The following ASIP variants were observed in gnomAD, a reference collection of about 807,000 sequenced individuals.
ASIP encodes the protein agouti-signaling protein.
ASIP carries 11 observed loss-of-function variants against 10.3 expected under a neutral mutation model. That is an observed-to-expected ratio of 1.07 (90% confidence interval 0.68 to 1.78). The LOEUF (loss-of-function observed/expected upper bound fraction) is 1.78. Ranked by LOEUF, ASIP falls within the 40% of genes most tolerant of loss-of-function variation. The pLI, the probability that ASIP is intolerant of heterozygous loss-of-function variation, is 0.00. For synonymous variants in ASIP, 70 were observed against 70.8 expected (o/e 0.99, Z 0.06); for missense variants, 180 against 169.2 (o/e 1.06, Z -0.35).
upstream of ASIP, among the ~76,000 whole-genome samples, chr20:34,192,270 A>C (rs1179577936): frequency 6.6e-6 from 1 of 152,030 alleles, no homozygotes; most frequent in Non-Finnish European, 1.5e-5. Context: ...ACCTTAGGTG[A>C]TCCACCCACC....
At chr20:34,246,173 T>C in intron 1 of ASIP, 1 of 1,110,984 alleles carries the variant, frequency 9.0e-7, no homozygotes, top group Non-Finnish European at 1.3e-6. Flanking sequence ...ATGTTTCTTC[T>C]TTGCTCTAGG....
chr20:34,253,115 T>A (rs947987674), intron 1 of ASIP, among the ~76,000 whole-genome samples: 8 of 152,092 alleles, frequency 5.3e-5, no homozygotes, highest in African/African-American at 1.2e-4. Context: ...CTTTTTTTTT[T>A]ATTTTTTTTT....
chr20:34,244,477 G>A (rs2035337070), intron 1 of ASIP, among the ~76,000 whole-genome samples: 2 of 152,208 alleles, frequency 1.3e-5, no homozygotes, highest in Admixed American at 6.5e-5. Flanking sequence ...TGAGGTGCCC[G>A]CCTTTGACAT....
chr20:34,188,367 C>T, the ASIP span, among the ~76,000 whole-genome samples: 1 of 152,160 alleles, frequency 6.6e-6, no homozygotes, highest in Non-Finnish European at 1.5e-5. Flanking sequence ...CAGAAGATGA[C>T]TTTAGGCGGT....
chr20:34,190,575 A>C (rs1050090208), upstream of ASIP, among the ~76,000 whole-genome samples: 34 of 152,160 alleles, frequency 2.2e-4, no homozygotes, highest in African/African-American at 7.5e-4. Context: ...CTAGATATCT[A>C]TATTTCAGTG....
intron 1 of ASIP, among the ~76,000 whole-genome samples, chr20:34,227,286 A>C (rs2035099561): frequency 6.6e-6 from 1 of 152,172 alleles, no homozygotes; most frequent in Admixed American, 6.5e-5. Flanking sequence ...TGCAAGACTC[A>C]TATACTGAAA....
At chr20:34,232,949 C>T (rs1457678094) in intron 1 of ASIP, among the ~76,000 whole-genome samples, 1 of 152,176 alleles carries the variant, frequency 6.6e-6, no homozygotes, top group Non-Finnish European at 1.5e-5. Context: ...AGAACATTAA[C>T]TGTTCCCTAC....
intron 3 of ASIP, among the ~76,000 whole-genome samples, chr20:34,263,604 C>G (rs1325473292): frequency 6.8e-6 from 1 of 146,654 alleles, no homozygotes; most frequent in African/African-American, 2.7e-5. Flanking sequence ...ATGCAGTTGA[C>G]TCTTGAACAC....
intron 1 of ASIP, among the ~76,000 whole-genome samples, chr20:34,227,112 G>A (rs894181275): frequency 6.6e-6 from 1 of 151,966 alleles, no homozygotes. Flanking sequence ...TCCTTAAAAA[G>A]TCTGCTAGAA....
intron 1 of ASIP, among the ~76,000 whole-genome samples, chr20:34,221,577 G>T (rs138550982): frequency 6.6e-6 from 1 of 152,110 alleles, no homozygotes; most frequent in Non-Finnish European, 1.5e-5. Context: ...TAGAAGTAAA[G>T]TCTAATAAGC....
chr20:34,261,240 G>A (rs2035683922), intron 2 of ASIP, among the ~76,000 whole-genome samples: 1 of 152,124 alleles, frequency 6.6e-6, no homozygotes, highest in Non-Finnish European at 1.5e-5. Context: ...GCTCACACCT[G>A]TAATCCCAGC....
intron 1 of ASIP, among the ~76,000 whole-genome samples, chr20:34,195,932 G>A (rs917739630): frequency 1.3e-5 from 2 of 152,054 alleles, no homozygotes; most frequent in Non-Finnish European, 2.9e-5. Context: ...AAGGCAGTCT[G>A]GGAAAGGGCC....
At chr20:34,190,677 CT>C (rs2034819419), upstream of ASIP, among the ~76,000 whole-genome samples, 1 of 152,200 alleles carries the variant, frequency 6.6e-6, no homozygotes, top group African/African-American at 2.4e-5. Context: ...ATCAAGGTTT[CT>C]GATGAGTCTC....
chr20:34,193,062 AT>A (rs1448753385), upstream of ASIP, among the ~76,000 whole-genome samples: 1 of 152,160 alleles, frequency 6.6e-6, no homozygotes, highest in Non-Finnish European at 1.5e-5. Context: ...ATCTAACTGT[AT>A]TTTTGTACCC....
Position 34,225,321 on chromosome 20 carries a change from G to A in ASIP, c.-11+30561G>A, listed in dbSNP as rs565866655. 2.6e-5 allele frequency among the ~76,000 whole-genome samples: 4 copies of A among 151,668 alleles called. No homozygotes were observed. The South Asian group carries it at 8.3e-4, about 32-fold the overall frequency. Reference sequence around the variant, plus strand: ...TCCAAAGTGCTGGGATTATAGGTGTGAGCCACCGCGCCCTGCCTGCACCTT... The same window carrying A: ...TCCAAAGTGCTGGGATTATAGGTGTAAGCCACCGCGCCCTGCCTGCACCTT... On this transcript the variant is annotated intron_variant, in intron 1 of 3. Coordinates refer to the ASIP transcript ENST00000568305.
chr20:34,215,041 T>A, intron 1 of ASIP: 1 of 1,495,854 alleles, frequency 6.7e-7, no homozygotes, highest in Non-Finnish European at 9.3e-7. Context: ...GAAGTCAACA[T>A]CTTCTTCCTG....
At chr20:34,208,677 G>GA (rs1262204229) in intron 1 of ASIP, among the ~76,000 whole-genome samples, 1 of 152,136 alleles carries the variant, frequency 6.6e-6, no homozygotes, top group African/African-American at 2.4e-5. Context: ...TGTAGATAAG[G>GA]ACTGCATTGA....
intron 1 of ASIP, among the ~76,000 whole-genome samples, chr20:34,220,233 A>G (rs2122562298): frequency 6.6e-6 from 1 of 152,350 alleles, no homozygotes; most frequent in Admixed American, 6.5e-5. Flanking sequence ...ACCTTCTCTC[A>G]TGAAACTCAA....
chr20:34,258,792 G>A (rs1481919042), intron 1 of ASIP, among the ~76,000 whole-genome samples: 5 of 103,274 alleles, frequency 4.8e-5, no homozygotes, highest in Admixed American at 1.3e-4. Context: ...TATATATAGT[G>A]TATATATAAT....
Sources: allele counts gnomAD v4.1 joint callset (sites outside exome capture counted in the v4.1 genomes callset), GRCh38; gene constraint gnomAD v4.1.1; transcripts MANE v1.5; gene names NCBI Gene and HGNC (gene_info 2026-07-23, HGNC 2026-07-21).